The following SNX4 variants were observed in gnomAD, a reference collection of about 807,000 sequenced individuals.
SNX4 encodes the protein sorting nexin 4, also known as sorting nexin-4.
Under a neutral mutation model 70.8 loss-of-function variants are expected in SNX4, and 49 were observed. The ratio of observed to expected loss-of-function variants is 0.69; its 90% CI spans 0.55 to 0.88. The LOEUF (loss-of-function observed/expected upper bound fraction) is 0.88, where lower values mean the gene tolerates loss of function less well. Among genes scored for constraint, SNX4 ranks in the 40% least tolerant of loss-of-function variants. SNX4 has a pLI of 0.00. For synonymous variants in SNX4, 206 were observed against 183.8 expected (o/e 1.12, Z -0.98); for missense variants, 528 against 544.8 (o/e 0.97, Z 0.31).
chr3:125,463,119 A>C (rs1933925657), intron 9 of SNX4, among the ~76,000 whole-genome samples: 1 of 152,220 alleles, frequency 6.6e-6, no homozygotes, highest in Admixed American at 6.5e-5. Flanking sequence ...AAGTTTATTG[A>C]AGTTGTAAGA....
chr3:125,495,277 T>TATATATATATATACACAC, intron 5 of SNX4, among the ~76,000 whole-genome samples: 56 of 99,592 alleles, frequency 5.6e-4, no homozygotes, highest in South Asian at 1.4e-3. Flanking sequence ...TATATATATA[T>TATATATATATATACACAC]ACACATACAC....
chr3:125,517,587 T>C lies in SNX4; in HGVS notation c.141+2445A>G, dbSNP rs937824044. ...AGGAGGGGAAGGGGAAGGAATGCAC[T>C]GAATGTATGTTTGTTTAAACACCTA... On this transcript the variant is annotated intron_variant, in intron 1 of 13. Transcript: ENST00000251775. 4.6e-5 allele frequency among the ~76,000 whole-genome samples: 7 copies of C among 152,340 alleles called. 1 individual carries two copies. The highest frequency in any genetic ancestry group is 2.6e-4 in the Admixed American group (4 of 15,296).
chr3:125,447,751 T>A lies in SNX4; in HGVS notation c.*28A>T. 1 of 1,563,774 alleles carries A rather than the reference T, an allele frequency of 6.4e-7. No homozygotes were observed. Among genetic ancestry groups the A allele is most frequent in the Non-Finnish European group, 8.7e-7 (1 of 1,147,630 alleles). On this transcript the variant is annotated 3_prime_UTR_variant, in exon 14 of 14. Transcript: ENST00000251775. ...CTTGTGCTTCTGTTTTGGGGCACTTTGATTGAAGAGAAATTCAATTCACAG... is the reference window on the plus strand; with the variant it reads ...CTTGTGCTTCTGTTTTGGGGCACTTAGATTGAAGAGAAATTCAATTCACAG...
rs1322097844 is a variant in SNX4, at chr3:125,465,330, C to T, written c.854+4124G>A. On this transcript the variant is annotated intron_variant, in intron 9 of 13. Transcript: ENST00000251775. ...GTGCAATCTCGATTCACTGTAGCCT[C>T]CGCCTCCTGGGTTCAAGTGATTCTC... Among the ~76,000 whole-genome samples, 3 of 151,292 alleles carry T rather than the reference C, an allele frequency of 2.0e-5. No individual in the cohort carries two copies. The East Asian group carries it at 5.9e-4, about 30-fold the overall frequency.
At chr3:125,494,046 A>G (rs1320526642) in intron 5 of SNX4, among the ~76,000 whole-genome samples, 1 of 152,044 alleles carries the variant, frequency 6.6e-6, no homozygotes, top group Non-Finnish European at 1.5e-5. Flanking sequence ...CAAAAAAAAA[A>G]AAAAGAAAAT....
At chr3:125,519,959 G>GCCCCC in intron 1 of SNX4, 73 bp downstream of exon 1, 7 of 1,004,496 alleles carry the variant, frequency 7.0e-6, no homozygotes, top group Non-Finnish European at 6.7e-6. Context: ...GCCCAGCCCA[G>GCCCCC]CCCAGCCCAG....
chr3:125,500,208 A>ATT (rs1934896274), intron 2 of SNX4, among the ~76,000 whole-genome samples: 1 of 152,196 alleles, frequency 6.6e-6, no homozygotes, highest in African/African-American at 2.4e-5. Flanking sequence ...ATTCAATAGT[A>ATT]CCTAAATGGT....
At chr3:125,464,523 A>G (rs1032149668) in intron 9 of SNX4, among the ~76,000 whole-genome samples, 2 of 109,848 alleles carry the variant, frequency 1.8e-5, no homozygotes, top group Non-Finnish European at 3.8e-5. Flanking sequence ...GTGTGAGTCT[A>G]TTTCTGTACA....
intron 5 of SNX4, among the ~76,000 whole-genome samples, chr3:125,489,928 C>A (rs540080940): frequency 6.6e-6 from 1 of 152,068 alleles, no homozygotes; most frequent in African/African-American, 2.4e-5. Context: ...GAGTTTGAGA[C>A]CAGCCTGGCC....
chr3:125,485,004 T>C (rs146715809), intron 6 of SNX4, among the ~76,000 whole-genome samples: 3,099 of 151,628 alleles, frequency 0.02, 102 homozygotes, highest in African/African-American at 0.071. Context: ...GAGGCGGAGG[T>C]TGCAGTGAGC....
intron 8 of SNX4, among the ~76,000 whole-genome samples, chr3:125,469,822 TA>T (rs138879577): frequency 0.048 from 7,308 of 152,248 alleles, 416 homozygotes; most frequent in African/African-American, 0.13. Context: ...GTAAAGCTTT[TA>T]AAAAATACGG....
intron 9 of SNX4, among the ~76,000 whole-genome samples, chr3:125,463,227 A>T (rs1933927655): frequency 6.6e-6 from 1 of 152,220 alleles, no homozygotes; most frequent in African/African-American, 2.4e-5. Context: ...GTACAAACTT[A>T]CAGCTATGAG....
intron 13 of SNX4, among the ~76,000 whole-genome samples, chr3:125,448,449 T>C (rs1933485468): frequency 6.6e-6 from 1 of 151,818 alleles, no homozygotes; most frequent in African/African-American, 2.4e-5. Context: ...TTTTTCAATG[T>C]AATATTTGAA....
chr3:125,486,542 C>T (rs1001186476), intron 6 of SNX4, among the ~76,000 whole-genome samples: 3 of 151,972 alleles, frequency 2.0e-5, no homozygotes, highest in African/African-American at 4.8e-5. Flanking sequence ...AGGAGAATGG[C>T]GTGAATCTGG....
chr3:125,448,193 T>C (rs1335269200), intron 13 of SNX4, among the ~76,000 whole-genome samples: 1 of 151,684 alleles, frequency 6.6e-6, no homozygotes, highest in East Asian at 1.9e-4. Flanking sequence ...AGTATAATCA[T>C]GGCTCATTGC....
chr3:125,483,673 C>T (rs1438434942), intron 6 of SNX4, among the ~76,000 whole-genome samples: 1 of 152,162 alleles, frequency 6.6e-6, no homozygotes, highest in Non-Finnish European at 1.5e-5. Flanking sequence ...CAGGTGATCA[C>T]ATCACCAGAA....
intron 6 of SNX4, among the ~76,000 whole-genome samples, chr3:125,483,729 G>A (rs972513964): frequency 6.6e-6 from 1 of 152,110 alleles, no homozygotes; most frequent in Non-Finnish European, 1.5e-5. Flanking sequence ...AGAGACAGAT[G>A]TGCACCTTTG....
At chr3:125,459,067 G>C (rs536429232) in intron 10 of SNX4, among the ~76,000 whole-genome samples, 2 of 152,156 alleles carry the variant, frequency 1.3e-5, no homozygotes, top group South Asian at 4.2e-4. Flanking sequence ...CCAGCTGCTT[G>C]GGAGGCTGAG....
At chr3:125,457,420 T>G in intron 10 of SNX4, 55 bp from the exon 11 acceptor site, 1 of 1,340,374 alleles carries the variant, frequency 7.5e-7, no homozygotes, top group East Asian at 2.3e-5. Context: ...TGTCAAACAT[T>G]TTTTTCAAGG....
Sources: allele counts gnomAD v4.1 joint callset (sites outside exome capture counted in the v4.1 genomes callset), GRCh38; gene constraint gnomAD v4.1.1; transcripts MANE v1.5; gene names NCBI Gene and HGNC (gene_info 2026-07-23, HGNC 2026-07-21).